WWOX: variants seen among roughly 807,000 people sequenced by gnomAD.
WWOX encodes WW domain-containing oxidoreductase.
A neutral mutation model predicts 46.2 loss-of-function variants in WWOX; 69 were observed. That is an observed-to-expected ratio of 1.49 (90% CI 1.23 to 1.82). WWOX has a LOEUF of 1.82. Among genes scored for constraint, WWOX ranks in the 40% most tolerant of loss-of-function variants. The probability of loss-of-function intolerance (pLI) is 0.00; values close to 1 mark genes in which losing one functional copy is unlikely to be tolerated. For missense variants in WWOX, 919 were observed against 542.6 expected, an observed-to-expected ratio of 1.69 and a Z score of -6.89; for synonymous variants, 359 against 202.6, an observed-to-expected ratio of 1.77 and a Z score of -6.56.
intron 8 of WWOX, among the ~76,000 whole-genome samples, chr16:79,121,925 C>T (rs1186820045): frequency 6.6e-6 from 1 of 152,108 alleles, no homozygotes; most frequent in Non-Finnish European, 1.5e-5. Flanking sequence ...CCCCCAGCCC[C>T]AGTAACCCTA....
chr16:78,490,025 C>T (rs960130760), intron 8 of WWOX, among the ~76,000 whole-genome samples: 7 of 152,056 alleles, frequency 4.6e-5, no homozygotes, highest in African/African-American at 7.2e-5. Context: ...TCTTAAAATA[C>T]GGAGCGACAT....
intron 8 of WWOX, among the ~76,000 whole-genome samples, chr16:79,128,138 G>C (rs543347468): frequency 1.3e-5 from 2 of 152,234 alleles, no homozygotes; most frequent in East Asian, 3.9e-4. Context: ...GAGAAGAAGA[G>C]ATTTAAGAAG....
chr16:78,941,785 A>C (rs1378721513), intron 8 of WWOX, among the ~76,000 whole-genome samples: 1 of 152,204 alleles, frequency 6.6e-6, no homozygotes, highest in East Asian at 1.9e-4. Context: ...TATCATAATC[A>C]AATAAAAGAA....
intron 8 of WWOX, among the ~76,000 whole-genome samples, chr16:79,018,870 G>C (rs555370848): frequency 6.6e-6 from 1 of 152,052 alleles, no homozygotes; most frequent in African/African-American, 2.4e-5. Flanking sequence ...GAATGTTAGG[G>C]CTGGGCGTGG....
At chr16:78,598,874 C>G (rs2045555215) in intron 8 of WWOX, among the ~76,000 whole-genome samples, 1 of 152,152 alleles carries the variant, frequency 6.6e-6, no homozygotes, top group Non-Finnish European at 1.5e-5. Flanking sequence ...AGCTACTCTG[C>G]CTGGCACTGT....
intron 8 of WWOX, among the ~76,000 whole-genome samples, chr16:78,910,379 A>G (rs148773962): frequency 0.011 from 1,744 of 152,120 alleles, 39 homozygotes; most frequent in South Asian, 0.028. Context: ...TAGTATGTGC[A>G]AGAATTAAGC....
At chr16:79,068,969 C>T (rs1007144464) in intron 8 of WWOX, among the ~76,000 whole-genome samples, 4 of 152,128 alleles carry the variant, frequency 2.6e-5, no homozygotes, top group African/African-American at 9.7e-5. Flanking sequence ...TTGTCTTACG[C>T]ACAGGCGTAA....
chr16:78,754,372 T>C (rs2049579288), intron 8 of WWOX, among the ~76,000 whole-genome samples: 1 of 152,168 alleles, frequency 6.6e-6, no homozygotes. Context: ...TGTCTTATTA[T>C]TGAACTGGTG....
At chr16:78,270,896 A>G (rs1449833636) in intron 5 of WWOX, among the ~76,000 whole-genome samples, 1 of 152,192 alleles carries the variant, frequency 6.6e-6, no homozygotes, top group Non-Finnish European at 1.5e-5. Flanking sequence ...AAGGTACTTA[A>G]CTATCTGGCC....
At chr16:78,677,081 C>G (rs748670821) in intron 8 of WWOX, among the ~76,000 whole-genome samples, 1 of 151,374 alleles carries the variant, frequency 6.6e-6, no homozygotes, top group African/African-American at 2.4e-5. Flanking sequence ...GAACCATGAG[C>G]TGTTTTTGCA....
At chr16:78,893,225 C>A (rs1276286146) in intron 8 of WWOX, among the ~76,000 whole-genome samples, 3 of 151,984 alleles carry the variant, frequency 2.0e-5, no homozygotes, top group African/African-American at 4.8e-5. Context: ...CCCCTCTTGA[C>A]CATCTTATGC....
chr16:78,887,346 C>G (rs1436401056), intron 8 of WWOX, among the ~76,000 whole-genome samples: 1 of 151,926 alleles, frequency 6.6e-6, no homozygotes, highest in African/African-American at 2.4e-5. Flanking sequence ...TTTCTTTCCC[C>G]TCTCTCCCAA....
In WWOX at chr16:78,315,997, G is replaced by C. The variant is rs1219005403; in HGVS notation, c.517-70863G>C. On this transcript the variant is annotated intron_variant, in intron 5 of 8. Coordinates refer to ENST00000566780, the MANE Select transcript of WWOX (RefSeq NM_016373.4). ...GCGGTCACTCAAACCTGTAATCCCA[G>C]CACTTTGGGAGGCTGAGGTGGGCGG... is the stretch of plus-strand genomic sequence containing the variant. 2.0e-5 allele frequency among the ~76,000 whole-genome samples: 3 copies of C among 152,066 alleles called. No individual in the cohort carries two copies. In the East Asian group the frequency reaches 5.8e-4, roughly 29 times the overall value.
At chr16:78,464,921 T>A (rs966883863) in intron 8 of WWOX, among the ~76,000 whole-genome samples, 2 of 152,244 alleles carry the variant, frequency 1.3e-5, no homozygotes, top group African/African-American at 4.8e-5. Flanking sequence ...AAAAGAGATT[T>A]ACTGAACTCA....
intron 4 of WWOX, among the ~76,000 whole-genome samples, chr16:78,150,816 A>G (rs1225562731): frequency 1.3e-5 from 2 of 151,908 alleles, no homozygotes; most frequent in South Asian, 2.1e-4. Context: ...ATTATTCACA[A>G]CTCTCTAATT....
intron 7 of WWOX, among the ~76,000 whole-genome samples, chr16:78,429,265 C>T (rs908792954): frequency 1.3e-5 from 2 of 152,166 alleles, no homozygotes; most frequent in South Asian, 2.1e-4. Flanking sequence ...GCCTTTTCAC[C>T]AATCTTGGAA....
At chr16:78,840,595 T>G (rs12599878) in intron 8 of WWOX, among the ~76,000 whole-genome samples, 34,940 of 152,040 alleles carry the variant, frequency 0.23, 4,620 homozygotes, top group East Asian at 0.42. Context: ...ACTCAGTATC[T>G]ACTCTAGTAG....
intron 8 of WWOX, among the ~76,000 whole-genome samples, chr16:78,705,547 T>G (rs975259357): frequency 6.6e-6 from 1 of 152,224 alleles, no homozygotes; most frequent in Non-Finnish European, 1.5e-5. Flanking sequence ...GGCTCTGCTC[T>G]TAGCCTGCAG....
At chr16:78,980,743 A>G (rs546430089) in intron 8 of WWOX, among the ~76,000 whole-genome samples, 49 of 152,298 alleles carry the variant, frequency 3.2e-4, no homozygotes, top group Non-Finnish European at 6.0e-4. Flanking sequence ...GACTTTAGCT[A>G]CTACCTTTCT....
Sources: gnomAD v4.1 joint callset for allele counts (sites outside exome capture counted in the v4.1 genomes callset) on GRCh38, gnomAD v4.1.1 for gene constraint, MANE v1.5 for transcripts, NCBI Gene and HGNC (gene_info 2026-07-23, HGNC 2026-07-21) for gene names.